The following MOK variants were observed in gnomAD, a reference collection of about 807,000 sequenced individuals.
MOK encodes the protein MAPK/MAK/MRK overlapping kinase.
Under a neutral mutation model 54.2 loss-of-function variants are expected in MOK, and 59 were observed. The ratio of observed to expected loss-of-function variants is 1.09; its 90% CI spans 0.88 to 1.35. The LOEUF (loss-of-function observed/expected upper bound fraction) is 1.35. Among genes scored for constraint, MOK ranks in the 40% most tolerant of loss-of-function variants. MOK has a pLI of 0.00. For missense variants in MOK, 517 were observed against 526.2 expected (o/e 0.98, Z 0.17); for synonymous variants, 210 against 202.7 (o/e 1.04, Z -0.31).
chr14:102,229,276 C>T lies in MOK; in HGVS notation c.*13G>A. On this transcript the variant is annotated 3_prime_UTR_variant, in exon 12 of 12. Coordinates refer to ENST00000361847, the MANE Select transcript of MOK (RefSeq NM_014226.3). ...GGTGTTGCCTCCGAAGTCGAGACGA[C>T]GGTGCTGCTCAGTTATCTTCCGCCT... is the stretch of plus-strand genomic sequence containing the variant. The T allele has an allele frequency of 3.2e-6, 5 of 1,579,030 alleles. No individual in the cohort carries two copies. Among genetic ancestry groups the T allele is most frequent in the South Asian group, 2.4e-5 (2 of 85,030 alleles).
chr14:102,297,673 C>G (rs988578801), intron 1 of MOK, among the ~76,000 whole-genome samples: 1 of 152,092 alleles, frequency 6.6e-6, no homozygotes, highest in African/African-American at 2.4e-5. Context: ...AGAGGCACCG[C>G]GAGGTGTGGA....
rs1422196485 is a variant in MOK, at chr14:102,230,568, G to T, written c.982-911C>A. 1 of 152,358 alleles carries T rather than the reference G, an allele frequency of 6.6e-6. No homozygotes were observed. The highest frequency in any genetic ancestry group is 2.4e-5 in the African/African-American group (1 of 41,440). 9.4% of individuals were successfully genotyped at this position (152,358 alleles called of 1,614,324 possible). A position where few individuals can be genotyped will look rare whatever the true frequency, so the allele number is the denominator to read the frequency against. ...TCAGACCCTTAGAGAAAAATATGCCGACCTCGGATGTGACTGAGGGTGGGG... is the reference window on the plus strand; with the variant it reads ...TCAGACCCTTAGAGAAAAATATGCCTACCTCGGATGTGACTGAGGGTGGGG... On this transcript the variant is annotated intron_variant, in intron 10 of 11. Transcript: ENST00000361847. This position sits in a 1 kb window ranked among gnomAD's most constrained non-coding sequence, Gnocchi z 4.1.
At chr14:102,221,275 CTT>C (rs1203319623), downstream of MOK, among the ~76,000 whole-genome samples, 29 of 152,240 alleles carry the variant, frequency 1.9e-4, no homozygotes, top group Non-Finnish European at 5.9e-5. The surrounding 1 kb of genome is among the most constrained non-coding windows in gnomAD (Gnocchi z 4.8). Context: ...GAGTAGATGA[CTT>C]TTCTGTTGCC....
In MOK at chr14:102,268,325, T is replaced by C. The variant is rs548019301; in HGVS notation, c.123-2413A>G. 7.9e-5 allele frequency among the ~76,000 whole-genome samples: 12 copies of C among 152,120 alleles called. No individual in the cohort carries two copies. The East Asian group carries it at 2.1e-3, about 27-fold the overall frequency. On this transcript the variant is annotated intron_variant, in intron 2 of 11. Coordinates refer to ENST00000361847, the MANE Select transcript of MOK (RefSeq NM_014226.3). ...GATCTAGCAACTGTTCAAATAACAG[T>C]GCTTAATAAAATTCAAATCAACTCT... is the stretch of plus-strand genomic sequence containing the variant.
chr14:102,296,381 C>T (rs951798454), intron 1 of MOK, among the ~76,000 whole-genome samples: 3 of 151,762 alleles, frequency 2.0e-5, no homozygotes, highest in Non-Finnish European at 2.9e-5. Flanking sequence ...TAAGGAACAA[C>T]CATATATTTA....
chr14:102,302,161 C>A (rs1465027428), intron 1 of MOK, among the ~76,000 whole-genome samples: 2 of 151,898 alleles, frequency 1.3e-5, no homozygotes, highest in Non-Finnish European at 2.9e-5. Flanking sequence ...CAACGCCCCC[C>A]TCCCAGGTTC....
In MOK at chr14:102,243,477, T is replaced by C. The variant is rs149721731; in HGVS notation, c.590+7335A>G. On this transcript the variant is annotated intron_variant, in intron 7 of 11. Transcript: ENST00000361847. ...TTAGGCTGGCCATCATGTCTCTGTG[T>C]GGCAGCTGCCGTCACCCTAACACTT... 4.6e-3 allele frequency among the ~76,000 whole-genome samples: 704 copies of C among 152,364 alleles called. 6 individuals carry two copies. Among genetic ancestry groups the C allele is most frequent in the African/African-American group, 0.016 (653 of 41,590 alleles).
At chr14:102,247,205 C>T (rs1439285909) in intron 7 of MOK, among the ~76,000 whole-genome samples, 1 of 152,188 alleles carries the variant, frequency 6.6e-6, no homozygotes, top group East Asian at 1.9e-4. Context: ...CAGCCTAAAG[C>T]AAACACCCTT....
At chr14:102,248,021 T>C (rs1743695070) in intron 7 of MOK, among the ~76,000 whole-genome samples, 1 of 152,174 alleles carries the variant, frequency 6.6e-6, no homozygotes, top group South Asian at 2.1e-4. Context: ...ATGATGCTGC[T>C]CCAAGAATAC....
downstream of MOK, among the ~76,000 whole-genome samples, chr14:102,227,045 A>G (rs745401994): frequency 6.6e-6 from 1 of 152,124 alleles, no homozygotes; most frequent in East Asian, 1.9e-4. Context: ...GAGGGCCCCC[A>G]GCCCCGCTGC....
chr14:102,300,043 G>T (rs555625606), intron 1 of MOK, among the ~76,000 whole-genome samples: 3 of 152,130 alleles, frequency 2.0e-5, no homozygotes, highest in Admixed American at 6.6e-5. Flanking sequence ...AAGCCGGGGA[G>T]CCGGGCACAG....
At chr14:102,255,709 C>T (rs2066897032) in intron 4 of MOK, among the ~76,000 whole-genome samples, 1 of 152,176 alleles carries the variant, frequency 6.6e-6, no homozygotes, top group African/African-American at 2.4e-5. Flanking sequence ...ATCTGGTTCC[C>T]ATCAGATTCT....
At chr14:102,241,711 A>G (rs569612730) in intron 7 of MOK, among the ~76,000 whole-genome samples, 1 of 152,316 alleles carries the variant, frequency 6.6e-6, no homozygotes, top group South Asian at 2.1e-4. Context: ...AACAGGACTT[A>G]ATTAACCTCA....
At chr14:102,246,691 T>G (rs2066118083) in intron 7 of MOK, among the ~76,000 whole-genome samples, 1 of 151,740 alleles carries the variant, frequency 6.6e-6, no homozygotes. Flanking sequence ...CTCCCCCAGT[T>G]AGCTAGCGAG....
chr14:102,249,565 C>T lies in MOK; in HGVS notation c.590+1247G>A, dbSNP rs528908282. 1.3e-5 allele frequency among the ~76,000 whole-genome samples: 2 copies of T among 152,050 alleles called. No homozygotes were observed. The highest frequency in any genetic ancestry group is 2.4e-5 in the African/African-American group (1 of 41,478). ...TCTCTACTAAAAATACAAAATTAGCCGGGCGTGGTGGTGCATGCCTGTAAT... is the reference window on the plus strand; with the variant it reads ...TCTCTACTAAAAATACAAAATTAGCTGGGCGTGGTGGTGCATGCCTGTAAT... On this transcript the variant is annotated intron_variant, in intron 7 of 11. Coordinates refer to ENST00000361847, the MANE Select transcript of MOK (RefSeq NM_014226.3). This position sits in a 1 kb window ranked among gnomAD's most constrained non-coding sequence, Gnocchi z 5.3.
chr14:102,284,203 T>C (rs1313791416), intron 1 of MOK, among the ~76,000 whole-genome samples: 1 of 151,998 alleles, frequency 6.6e-6, no homozygotes, highest in African/African-American at 2.4e-5. Flanking sequence ...GACCAAACCC[T>C]GACTGACAAC....
At chr14:102,304,781 G>A (rs1251535761) in intron 1 of MOK, among the ~76,000 whole-genome samples, 181 bp downstream of exon 1, 1 of 152,000 alleles carries the variant, frequency 6.6e-6, no homozygotes, top group Admixed American at 6.6e-5. Context: ...CAGGGGCACC[G>A]GCTTCTCACA....
At chr14:102,260,681 G>A (rs2067313930) in intron 4 of MOK, 1 of 152,054 alleles carries the variant, frequency 6.6e-6, no homozygotes, top group Non-Finnish European at 1.5e-5. Context: ...GCCTATGGAA[G>A]ACAATATTTA....
chr14:102,251,272 T>C (rs2066506422), intron 6 of MOK, among the ~76,000 whole-genome samples: 1 of 152,252 alleles, frequency 6.6e-6, no homozygotes, highest in African/African-American at 2.4e-5. Context: ...CTTCTACAAA[T>C]GAACAACACA....
Sources: gnomAD v4.1 joint callset for allele counts (sites outside exome capture counted in the v4.1 genomes callset) on GRCh38, gnomAD v4.1.1 for gene constraint, Gnocchi (gnomAD v3.1) non-coding constraint, MANE v1.5 for transcripts, NCBI Gene and HGNC (gene_info 2026-07-23, HGNC 2026-07-21) for gene names.